The following GARRE1 variants were observed in gnomAD, a reference collection of about 807,000 sequenced individuals.
GARRE1 encodes granule associated Rac and RHOG effector 1, also known as granule associated Rac and RHOG effector protein 1.
GARRE1 carries 49 observed loss-of-function variants against 103.2 expected under a neutral mutation model. The ratio of observed to expected loss-of-function variants is 0.47; its 90% CI spans 0.38 to 0.60. GARRE1 has a LOEUF of 0.60. GARRE1 is among the 20% of genes least tolerant of loss of function. The pLI is 0.00. For synonymous variants in GARRE1, 505 were observed against 532.8 expected (o/e 0.95, Z 0.72); for missense variants, 1,199 against 1,370.5 (o/e 0.87, Z 1.98).
intron 2 of GARRE1, among the ~76,000 whole-genome samples, chr19:34,314,255 A>AAT (rs1367390839): frequency 1.3e-5 from 2 of 152,132 alleles, no homozygotes; most frequent in African/African-American, 4.8e-5. Flanking sequence ...TATAAATATA[A>AAT]ATATAGAAAT....
chr19:34,338,177 C>A (rs1190201649), intron 8 of GARRE1, among the ~76,000 whole-genome samples: 1 of 152,132 alleles, frequency 6.6e-6, no homozygotes, highest in Non-Finnish European at 1.5e-5. Flanking sequence ...TTCCAGAGTG[C>A]CCAGGATCTG....
intron 1 of GARRE1, among the ~76,000 whole-genome samples, chr19:34,287,555 T>C (rs975387384): frequency 1.5e-4 from 23 of 152,230 alleles, no homozygotes; most frequent in Non-Finnish European, 2.9e-5. Context: ...CAACCCCACA[T>C]AGACTTTTAC....
intron 3 of GARRE1, among the ~76,000 whole-genome samples, chr19:34,325,377 G>C (rs2074106855): frequency 6.6e-6 from 1 of 152,148 alleles, no homozygotes; most frequent in African/African-American, 2.4e-5. Flanking sequence ...GGTCTCACAG[G>C]TGGCTCAGGC....
intron 1 of GARRE1, among the ~76,000 whole-genome samples, chr19:34,299,209 A>G (rs966768805): frequency 2.0e-5 from 3 of 152,134 alleles, no homozygotes; most frequent in Non-Finnish European, 4.4e-5. Flanking sequence ...ATCAAGGCCT[A>G]CCTCAGAAGA....
chr19:34,321,535 A>G (rs1017232898), intron 3 of GARRE1, among the ~76,000 whole-genome samples: 9 of 149,906 alleles, frequency 6.0e-5, no homozygotes, highest in Non-Finnish European at 7.4e-5. Context: ...GCTCACTGCA[A>G]CCTCCGCCTG....
chr19:34,317,187 C>T (rs2074063919), intron 2 of GARRE1, among the ~76,000 whole-genome samples: 1 of 152,228 alleles, frequency 6.6e-6, no homozygotes, highest in African/African-American at 2.4e-5. Flanking sequence ...GTTCCTTTCC[C>T]AGCAGCACCC....
chr19:34,272,412 T>G (rs1281883772), intron 1 of GARRE1, among the ~76,000 whole-genome samples: 1 of 152,136 alleles, frequency 6.6e-6, no homozygotes, highest in African/African-American at 2.4e-5. Context: ...TTGGTCAGGC[T>G]GGTCTCAAAC....
intron 2 of GARRE1, among the ~76,000 whole-genome samples, chr19:34,307,675 A>G (rs188429600): frequency 0.053 from 2,678 of 50,922 alleles, 98 homozygotes; most frequent in African/African-American, 0.089. Flanking sequence ...ATATACTTAT[A>G]TATACATATA....
At chr19:34,257,017 C>T (rs1010122866) in intron 1 of GARRE1, among the ~76,000 whole-genome samples, 7 of 152,088 alleles carry the variant, frequency 4.6e-5, no homozygotes, top group African/African-American at 1.7e-4. Flanking sequence ...ATTTGAGATT[C>T]TAATCTTCCT....
intron 8 of GARRE1, among the ~76,000 whole-genome samples, chr19:34,337,380 G>C (rs1263950938): frequency 6.6e-6 from 1 of 152,190 alleles, no homozygotes; most frequent in Non-Finnish European, 1.5e-5. Context: ...TTATATGATA[G>C]AGAATAAGTA....
Position 34,352,990 on chromosome 19 carries a change from G to C in GARRE1, c.*35G>C. The C allele has an allele frequency of 7.5e-7, 1 of 1,337,966 alleles. No individual in the cohort carries two copies. Among genetic ancestry groups the C allele is most frequent in the Non-Finnish European group, 1.0e-6 (1 of 996,350 alleles). The allele number at this position is 1,337,966 out of a possible 1,614,324, so 82.9% of individuals were successfully genotyped here. A position where few individuals can be genotyped will look rare whatever the true frequency, so the allele number is the denominator to read the frequency against. On this transcript the variant is annotated 3_prime_UTR_variant, in exon 14 of 14. Coordinates refer to ENST00000299505, the MANE Select transcript of GARRE1 (RefSeq NM_014686.5). ...AGCCAGCCTGCCTGCCTGCCTGCCT[G>C]CCCGCCCAGAGCTGTGGGGATGAGT... is the stretch of plus-strand genomic sequence containing the variant.
At chr19:34,259,927 C>T (rs2073705138) in intron 1 of GARRE1, among the ~76,000 whole-genome samples, 1 of 152,216 alleles carries the variant, frequency 6.6e-6, no homozygotes, top group Non-Finnish European at 1.5e-5. Context: ...ACTTGGGTCT[C>T]ATTCTTCTTG....
rs2074187431 is a variant in GARRE1, at chr19:34,341,916, C to G, written c.1982C>G (p.Ser661Ter). The part of the protein sequence containing the change: ...DFLSGFNMGQ[S>*]HQGSPLVTRH... The stretch of plus-strand genomic sequence containing the variant: ...CTCTCGGGCTTTAACATGGGCCAGT[C>G]ACATCAGGGCTCTCCGTTGGTGACA... The change falls in exon 10 of 14, where the codon TCA becomes TGA. Residue 661 changes from serine (S) to a stop codon, truncating the protein, a stop_gained. Coordinates refer to ENST00000299505, the MANE Select transcript of GARRE1 (RefSeq NM_014686.5). LOFTEE classifies it high-confidence loss of function. 1 of 1,614,160 alleles carries G rather than the reference C, an allele frequency of 6.2e-7. No individual in the cohort carries two copies. The highest frequency in any genetic ancestry group is 8.5e-7 in the Non-Finnish European group (1 of 1,180,028).
At chr19:34,346,450 A>G (rs142566464) in intron 10 of GARRE1, among the ~76,000 whole-genome samples, 527 of 152,288 alleles carry the variant, frequency 3.5e-3, no homozygotes, top group African/African-American at 0.012. Context: ...ATAGCCAGGA[A>G]AATACTAGAT....
At chr19:34,331,880 A>G (rs1255810802) in intron 7 of GARRE1, among the ~76,000 whole-genome samples, 1 of 151,764 alleles carries the variant, frequency 6.6e-6, no homozygotes, top group African/African-American at 2.4e-5. Context: ...AATCCCAGCT[A>G]CTCGAGAGGC....
At position 34,341,405 on chromosome 19, in the gene GARRE1, A is replaced by C. The variant is rs774701987; in HGVS notation, c.1488-17A>C. On this transcript the variant is annotated splice_polypyrimidine_tract_variant and intron_variant, in intron 9 of 13. Coordinates refer to ENST00000299505, the MANE Select transcript of GARRE1 (RefSeq NM_014686.5). ...TATTTGTCTTTTTTTTTTTTAAACAAATTTCTGTTTAAATAGGGAGCAAGC... is the reference window on the plus strand; with the variant it reads ...TATTTGTCTTTTTTTTTTTTAAACACATTTCTGTTTAAATAGGGAGCAAGC... The C allele has an allele frequency of 6.3e-7, 1 of 1,585,766 alleles. No individual in the cohort carries two copies. Among genetic ancestry groups the C allele is most frequent in the Admixed American group, 1.8e-5 (1 of 54,650 alleles).
intron 1 of GARRE1, among the ~76,000 whole-genome samples, chr19:34,255,455 G>C (rs989303095): frequency 1.3e-5 from 2 of 152,088 alleles, no homozygotes; most frequent in Non-Finnish European, 2.9e-5. Flanking sequence ...CACTCAAGAC[G>C]ACACAAAAAG....
At chr19:34,269,800 G>C (rs1485898631) in intron 1 of GARRE1, among the ~76,000 whole-genome samples, 2 of 152,140 alleles carry the variant, frequency 1.3e-5, no homozygotes, top group Non-Finnish European at 2.9e-5. Context: ...CCTTTTCATT[G>C]ATATTTTTTA....
Position 34,352,805 on chromosome 19 carries a change from C to A in GARRE1, c.3063C>A (p.Ala1021=). The change falls in exon 14 of 14, where the codon GCC becomes GCA. Residue 1021 remains alanine, a synonymous_variant. Transcript: ENST00000299505. ...TMQMLQSPVW[A]ATNDCSAAAF... is the part of the protein sequence containing the mutation. Reference sequence around the variant, plus strand: ...AGATGCTGCAGTCCCCAGTGTGGGCCGCAACCAACGACTGCAGTGCCGCTG... The same window carrying A: ...AGATGCTGCAGTCCCCAGTGTGGGCAGCAACCAACGACTGCAGTGCCGCTG... 1.9e-6 allele frequency: 3 copies of A among 1,613,888 alleles called. No individual in the cohort carries two copies. Among genetic ancestry groups the A allele is most frequent in the Non-Finnish European group, 2.5e-6 (3 of 1,179,944 alleles).
Sources: allele counts gnomAD v4.1 joint callset (sites outside exome capture counted in the v4.1 genomes callset), GRCh38; gene constraint gnomAD v4.1.1; transcripts MANE v1.5; gene names NCBI Gene and HGNC (gene_info 2026-07-23, HGNC 2026-07-21).